The following ANO1 variants were observed in gnomAD, a reference collection of about 807,000 sequenced individuals.
ANO1 encodes anoctamin 1, also known as anoctamin-1.
Under a neutral mutation model 124.0 loss-of-function variants are expected in ANO1, and 59 were observed. The observed-to-expected ratio is 0.48, with a 90% confidence interval of 0.39 to 0.59. The LOEUF (loss-of-function observed/expected upper bound fraction) is 0.59, where lower values mean the gene tolerates loss of function less well. Among genes scored for constraint, ANO1 ranks in the 20% least tolerant of loss-of-function variants. ANO1 has a pLI of 0.00. For missense variants in ANO1, 1,059 were observed against 1,328.0 expected (o/e 0.80, Z 3.15); for synonymous variants, 529 against 532.0 (o/e 0.99, Z 0.08).
At chr11:70,101,168 T>C (rs989314255) in intron 2 of ANO1, among the ~76,000 whole-genome samples, 6 of 152,102 alleles carry the variant, frequency 3.9e-5, no homozygotes, top group African/African-American at 1.4e-4. Context: ...GGGCCCCACC[T>C]TTAACTCTCT....
chr11:70,099,738 C>G (rs2045182601), intron 2 of ANO1, among the ~76,000 whole-genome samples: 2 of 152,204 alleles, frequency 1.3e-5, no homozygotes, highest in Non-Finnish European at 2.9e-5. Context: ...CCAGGGCTGC[C>G]AAGAGCACCA....
In ANO1 at chr11:70,021,646, G is replaced by A. The variant is rs140586327; in HGVS notation, c.58+35480G>A. Reference sequence around the variant, plus strand: ...CCACTTCCTGGTCCCTCTCTTCCTCGGTTTTTCCCATGTCGATCGTCTGAG... The same window carrying A: ...CCACTTCCTGGTCCCTCTCTTCCTCAGTTTTTCCCATGTCGATCGTCTGAG... On this transcript the variant is annotated intron_variant, in intron 1 of 27. Transcript: ENST00000531349. Among the ~76,000 whole-genome samples the A allele has an allele frequency of 2.6e-3, 398 of 152,112 alleles. 2 individuals carry two copies. Among genetic ancestry groups the A allele is most frequent in the African/African-American group, 8.9e-3 (369 of 41,508 alleles).
chr11:69,991,507 A>C (rs1554997486), intron 1 of ANO1, among the ~76,000 whole-genome samples: 1 of 152,212 alleles, frequency 6.6e-6, no homozygotes, highest in Non-Finnish European at 1.5e-5. Flanking sequence ...AGCATAGCCC[A>C]GGGGACCACC....
chr11:70,045,265 G>A (rs1555005460), intron 1 of ANO1, among the ~76,000 whole-genome samples: 2 of 152,230 alleles, frequency 1.3e-5, no homozygotes, highest in Non-Finnish European at 1.5e-5. Context: ...AAAAACATAC[G>A]TGACATACAC....
At position 70,186,782 on chromosome 11, in the gene ANO1, T is replaced by G. The variant is rs574041544; in HGVS notation, c.2695-956T>G. ...GCTCTGATTCTGGAATCCCCAAGAC[T>G]GGGTTCAAGTCCCAGTTCTGTCACA... On this transcript the variant is annotated intron_variant, in intron 25 of 25. Transcript: ENST00000355303. Among the ~76,000 whole-genome samples, 4 of 152,364 alleles carry G rather than the reference T, an allele frequency of 2.6e-5. No homozygotes were observed. In the South Asian group the frequency reaches 8.3e-4, roughly 32 times the overall value.
intron 16 of ANO1, among the ~76,000 whole-genome samples, chr11:70,158,647 GCTGT>G (rs1417117881): frequency 6.6e-6 from 1 of 152,248 alleles, no homozygotes; most frequent in African/African-American, 2.4e-5. Flanking sequence ...GAGGCGGGGG[GCTGT>G]CTTTGTTTTC....
chr11:70,058,194 T>C (rs1432138763), intron 1 of ANO1, among the ~76,000 whole-genome samples: 2 of 152,130 alleles, frequency 1.3e-5, no homozygotes, highest in African/African-American at 2.4e-5. Context: ...AAACAGGTAT[T>C]AAAGGGCTAA....
At chr11:70,177,559 C>T (rs1041946891) in intron 22 of ANO1, among the ~76,000 whole-genome samples, 2 of 151,310 alleles carry the variant, frequency 1.3e-5, no homozygotes, top group Non-Finnish European at 2.9e-5. Flanking sequence ...AGGACCAGAG[C>T]CGAGGAGTCT....
Position 70,010,179 on chromosome 11 carries a change from G to GTGTGTGTGTATATATATATATATATATA in ANO1, c.58+24014_58+24015insGTGTGTGTATATATATATATATATATAT. 2.5e-4 allele frequency among the ~76,000 whole-genome samples: 21 copies of GTGTGTGTGTATATATATATATATATATA among 83,800 alleles called. 1 individual carries two copies. The highest frequency in any genetic ancestry group is 3.3e-4 in the African/African-American group (7 of 21,334). The allele number at this position is 83,800 out of a possible 152,430, so 55.0% of individuals were successfully genotyped here. A position where few individuals can be genotyped will look rare whatever the true frequency, so the allele number is the denominator to read the frequency against. On this transcript the variant is annotated intron_variant, in intron 1 of 27. Transcript: ENST00000531349. ...TGTGTGTGTGTGCGCGTGTGTGTGT[G>GTGTGTGTGTATATATATATATATATATA]TATATATATATATATATATCACATT...
In ANO1 at chr11:70,138,399, A is replaced by G. The variant is rs533099158; in HGVS notation, c.1258+6320A>G. Among the ~76,000 whole-genome samples the G allele has an allele frequency of 4.3e-5, 6 of 140,548 alleles. No homozygotes were observed. The South Asian group carries it at 9.1e-4, about 21-fold the overall frequency. The allele number at this position is 140,548 out of a possible 152,430, so 92.2% of individuals were successfully genotyped here. A position where few individuals can be genotyped will look rare whatever the true frequency, so the allele number is the denominator to read the frequency against. ...CGCAGTGGCTCACGCCTGTAATCTCAGGAGACTAAGGCAGGAGAATCGCTT... is the reference window on the plus strand; with the variant it reads ...CGCAGTGGCTCACGCCTGTAATCTCGGGAGACTAAGGCAGGAGAATCGCTT... On this transcript the variant is annotated intron_variant, in intron 11 of 25. Transcript: ENST00000355303.
intron 1 of ANO1, among the ~76,000 whole-genome samples, chr11:70,048,237 A>G (rs1487925788): frequency 1.3e-5 from 2 of 152,208 alleles, no homozygotes; most frequent in Non-Finnish European, 2.9e-5. Flanking sequence ...GTGGATTTGA[A>G]TTTTTGAAAC....
chr11:70,041,929 A>C (rs1555005104), intron 1 of ANO1, among the ~76,000 whole-genome samples: 1 of 152,152 alleles, frequency 6.6e-6, no homozygotes, highest in Non-Finnish European at 1.5e-5. Context: ...CATCAGCAAT[A>C]AGCATGCCTA....
chr11:70,030,315 T>C (rs1314425817), intron 1 of ANO1, among the ~76,000 whole-genome samples: 3 of 152,190 alleles, frequency 2.0e-5, no homozygotes, highest in Admixed American at 2.0e-4. Context: ...TGGGCAAAGG[T>C]ATCGGGTTCT....
chr11:70,005,245 A>T (rs1186238705), intron 1 of ANO1, among the ~76,000 whole-genome samples: 1 of 152,166 alleles, frequency 6.6e-6, no homozygotes, highest in Admixed American at 6.6e-5. Context: ...ACTCCACCCA[A>T]ATCCCCTCAC....
At chr11:70,113,529 C>T (rs915821537) in intron 7 of ANO1, among the ~76,000 whole-genome samples, 1 of 152,018 alleles carries the variant, frequency 6.6e-6, no homozygotes, top group East Asian at 1.9e-4. Context: ...TTGTTCTGTC[C>T]CACCCTGTGT....
intron 3 of ANO1, among the ~76,000 whole-genome samples, 163 bp from the exon 4 acceptor site, chr11:70,103,836 C>T (rs573379622): frequency 2.0e-5 from 3 of 152,228 alleles, no homozygotes; most frequent in Non-Finnish European, 2.9e-5. Context: ...GCTTTCATGG[C>T]GTGGGCGGGG....
chr11:70,156,293 A>C (rs979686824), intron 15 of ANO1, among the ~76,000 whole-genome samples: 14 of 152,192 alleles, frequency 9.2e-5, no homozygotes, highest in African/African-American at 3.1e-4. Context: ...CACCCACCCC[A>C]GAACGAGTGG....
chr11:70,003,472 G>C (rs542480090), intron 1 of ANO1, among the ~76,000 whole-genome samples: 1 of 152,294 alleles, frequency 6.6e-6, no homozygotes, highest in African/African-American at 2.4e-5. Flanking sequence ...TATGGAAAGT[G>C]TTCCCTTCCA....
chr11:70,134,807 T>C (rs1385522881), intron 11 of ANO1, among the ~76,000 whole-genome samples: 2 of 152,082 alleles, frequency 1.3e-5, no homozygotes, highest in East Asian at 3.9e-4. Flanking sequence ...TATCCGCTGC[T>C]CTAAAAGCTG....
Sources: allele counts gnomAD v4.1 joint callset (sites outside exome capture counted in the v4.1 genomes callset), GRCh38; gene constraint gnomAD v4.1.1; transcripts MANE v1.5; gene names NCBI Gene and HGNC (gene_info 2026-07-23, HGNC 2026-07-21).